The following WRAP53 variants were observed in gnomAD, a reference collection of about 807,000 sequenced individuals.
WRAP53 encodes telomerase Cajal body protein 1.
A neutral mutation model predicts 56.6 loss-of-function variants in WRAP53; 28 were observed. That is an observed-to-expected ratio of 0.50 (90% CI 0.37 to 0.68). The LOEUF (loss-of-function observed/expected upper bound fraction) is 0.68. Among genes scored for constraint, WRAP53 ranks in the 30% least tolerant of loss-of-function variants. WRAP53 has a pLI of 0.00. For missense variants in WRAP53, 671 were observed against 715.5 expected (o/e 0.94, Z 0.71); for synonymous variants, 283 against 283.4 (o/e 1.00, Z 0.01).
At chr17:7,689,463 C>A in intron 3 of WRAP53, 127 bp from the exon 4 acceptor site, 1 of 1,240,210 alleles carries the variant, frequency 8.1e-7, no homozygotes, top group Non-Finnish European at 1.2e-6. Context: ...TTTTATCTAG[C>A]AGTTTGTGTC....
chr17:7,702,643 G>T lies in WRAP53; in HGVS notation c.1164+91G>T. 6.3e-7 allele frequency: 1 copy of T among 1,596,928 alleles called. No homozygotes were observed. The highest frequency in any genetic ancestry group is 8.5e-7 in the Non-Finnish European group (1 of 1,174,988). On this transcript the variant is annotated intron_variant, in intron 8 of 10. Coordinates refer to ENST00000396463, the MANE Select transcript of WRAP53 (RefSeq NM_001143992.2). The surrounding 1 kb of genome is among the most constrained non-coding windows in gnomAD (Gnocchi z 5.0). ...CAGTGTAGGGGAATGGGTGGGGATG[G>T]GGAAAAAATCCCAAGCTGAAGGAGT... is the stretch of plus-strand genomic sequence containing the variant.
intron 10 of WRAP53, 32 bp from the exon 11 acceptor site, chr17:7,703,211 G>T (rs758319921): frequency 6.2e-7 from 1 of 1,613,088 alleles, no homozygotes. Context: ...CTCACTGAAG[G>T]CACTGATAGA....
intron 4 of WRAP53, among the ~76,000 whole-genome samples, chr17:7,698,398 C>G (rs1209939329): frequency 1.3e-5 from 2 of 152,084 alleles, no homozygotes; most frequent in African/African-American, 4.8e-5. Context: ...ATGGTTAAAG[C>G]TTGCTATCAC....
intron 4 of WRAP53, among the ~76,000 whole-genome samples, chr17:7,692,415 T>C (rs1695970785): frequency 6.6e-6 from 1 of 150,484 alleles, no homozygotes; most frequent in South Asian, 2.1e-4. Context: ...AGGTCAGGAG[T>C]TCGAGACCAG....
At chr17:7,698,955 C>T (rs901766905) in intron 4 of WRAP53, among the ~76,000 whole-genome samples, 1 of 151,818 alleles carries the variant, frequency 6.6e-6, no homozygotes, top group African/African-American at 2.4e-5. Context: ...ACTAGGGAGG[C>T]TGAGGCCAGG....
intron 4 of WRAP53, among the ~76,000 whole-genome samples, chr17:7,693,972 A>T (rs2074147376): frequency 6.6e-6 from 1 of 152,030 alleles, no homozygotes; most frequent in Admixed American, 6.5e-5. Context: ...GAAGCTGAAT[A>T]AATTGTCATG....
At chr17:7,686,314 T>C (rs1448971955), upstream of WRAP53, 1 of 152,148 alleles carries the variant, frequency 6.6e-6, no homozygotes, top group Non-Finnish European at 1.5e-5. Context: ...TTTTTTTTTT[T>C]CCTCCGGGAA....
intron 4 of WRAP53, among the ~76,000 whole-genome samples, chr17:7,698,613 C>T (rs1253545611): frequency 6.6e-6 from 1 of 152,138 alleles, no homozygotes; most frequent in Non-Finnish European, 1.5e-5. Flanking sequence ...CGTGGTGTCT[C>T]ATGCCTGTAA....
intron 4 of WRAP53, among the ~76,000 whole-genome samples, chr17:7,695,874 T>C (rs2074176906): frequency 6.6e-6 from 1 of 152,160 alleles, no homozygotes; most frequent in African/African-American, 2.4e-5. Context: ...GGTCCTATTA[T>C]TTTGGGCCTT....
At position 7,696,688 on chromosome 17, in the gene WRAP53, G is replaced by A. The variant is rs2074191010; in HGVS notation, c.643-4053G>A. On this transcript the variant is annotated intron_variant, in intron 4 of 10. Transcript: ENST00000396463. ...GCACGTGGTAATGGAAGACTAGGAG[G>A]AGGAACTGGCAAGATTTGGTATTGG... 2.0e-5 allele frequency among the ~76,000 whole-genome samples: 3 copies of A among 152,274 alleles called. No individual in the cohort carries two copies. In the South Asian group the frequency reaches 6.2e-4, roughly 32 times the overall value.
rs775499227 is a variant in WRAP53 at position 7,701,446 on chromosome 17, A to G, written c.732-13A>G. The G allele has an allele frequency of 1.2e-6, 2 of 1,614,066 alleles. No individual in the cohort carries two copies. The highest frequency in any genetic ancestry group is 1.7e-6 in the Non-Finnish European group (2 of 1,179,964). ...TGACAGCACCGGGGTTTCAGTGTCC[A>G]TGTCTCTCTCAGCGTGGCCAGCAGC... On this transcript the variant is annotated splice_polypyrimidine_tract_variant and intron_variant, in intron 5 of 10. Transcript: ENST00000396463. The surrounding 1 kb of genome is among the most constrained non-coding windows in gnomAD (Gnocchi z 4.2).
At chr17:7,687,556 C>T (rs2074030414), upstream of WRAP53, 1 of 398,620 alleles carries the variant, frequency 2.5e-6, no homozygotes, top group Admixed American at 4.4e-5. Flanking sequence ...CCATCAACCC[C>T]TGCGAGGCTC....
rs2074277780 is a variant in WRAP53, at chr17:7,701,718, G to T, written c.884G>T (p.Gly295Val). Residue 295 changes from glycine (G) to valine (V), a missense_variant, in exon 7 of 11, where the codon GGC (glycine) becomes GTC (valine). Physicochemically the swap from Gly to Val is moderately radical, Grantham distance 109 (BLOSUM62 -3). Around this residue, in one of 3 missense-constraint regions of WRAP53, gnomAD observed 406 missense variants for 418.5 expected, o/e 0.97. Coordinates refer to ENST00000396463, the MANE Select transcript of WRAP53 (RefSeq NM_001143992.2). The surrounding 1 kb of genome is among the most constrained non-coding windows in gnomAD (Gnocchi z 4.2). ...FSPDGSQLFC[G>V]FNRTVRVFST... The stretch of plus-strand genomic sequence containing the variant: ...CCGGATGGCTCCCAGCTCTTCTGTG[G>T]CTTCAACCGGACTGTGCGTGTTTTT... 1 of 1,614,214 alleles carries T rather than the reference G, an allele frequency of 6.2e-7. No homozygotes were observed. Among genetic ancestry groups the T allele is most frequent in the African/African-American group, 1.3e-5 (1 of 75,058 alleles).
In WRAP53 at chr17:7,688,551, G is replaced by A; in HGVS notation, c.-12G>A. 1 of 1,342,824 alleles carries A rather than the reference G, an allele frequency of 7.4e-7. No homozygotes were observed. The highest frequency in any genetic ancestry group is 1.0e-6 in the Non-Finnish European group (1 of 969,712). 83.2% of individuals were successfully genotyped at this position (1,342,824 alleles called of 1,614,324 possible). ...TCTTCTGCCTACTCCCAGAAGAGGAGGGAAGCACAGGTGGGTTTCTTTAGC... is the reference window on the plus strand; with the variant it reads ...TCTTCTGCCTACTCCCAGAAGAGGAAGGAAGCACAGGTGGGTTTCTTTAGC... On this transcript the variant is annotated 5_prime_UTR_variant, in exon 1 of 11. Transcript: ENST00000396463.
chr17:7,701,768 T>G lies in WRAP53; in HGVS notation c.934T>G (p.Cys312Gly). ...VFSTARPGRD[C>G]EVRATFAKKQ... ...TTCCACGGCCCGGCCTGGCCGAGAC[T>G]GCGAGGTCCGAGCCACATTTGGTAA... Residue 312 changes from cysteine (C) to glycine (G), a missense_variant, in exon 7 of 11, where the codon TGC becomes GGC. This residue lies in a region of WRAP53 where 406 missense variants were observed against 418.5 expected (regional missense o/e 0.97). Coordinates refer to ENST00000396463, the MANE Select transcript of WRAP53 (RefSeq NM_001143992.2). The surrounding 1 kb of genome is among the most constrained non-coding windows in gnomAD (Gnocchi z 4.2). The G allele has an allele frequency of 6.2e-7, 1 of 1,613,886 alleles. No homozygotes were observed. Among genetic ancestry groups the G allele is most frequent in the Non-Finnish European group, 8.5e-7 (1 of 1,179,982 alleles).
Position 7,701,691 on chromosome 17 carries a change from C to G in WRAP53, c.857C>G (p.Ser286Cys), listed in dbSNP as rs779998259. The stretch of plus-strand genomic sequence containing the variant: ...ACGGCAGCCCATTCGCTCTGCTTCT[C>G]CCCGGATGGCTCCCAGCTCTTCTGT... ...ELTAAHSLCFSPDGSQLFCGF... is the reference protein window; with the variant it reads ...ELTAAHSLCFCPDGSQLFCGF... The change falls in exon 7 of 11, where the codon TCC becomes TGC. Residue 286 changes from serine (S) to cysteine (C), a missense_variant. Ser to Cys is a moderately radical substitution (Grantham distance 112). This residue lies in a region of WRAP53 where 406 missense variants were observed against 418.5 expected (regional missense o/e 0.97). Coordinates refer to ENST00000396463, the MANE Select transcript of WRAP53 (RefSeq NM_001143992.2). The surrounding 1 kb of genome is among the most constrained non-coding windows in gnomAD (Gnocchi z 4.2). The G allele has an allele frequency of 6.2e-7, 1 of 1,614,252 alleles. No homozygotes were observed. The highest frequency in any genetic ancestry group is 8.5e-7 in the Non-Finnish European group (1 of 1,180,050).
upstream of WRAP53, chr17:7,687,097 CT>C (rs1283944129): frequency 5.1e-6 from 2 of 389,836 alleles, no homozygotes; most frequent in African/African-American, 4.1e-5. Context: ...AAGAAGTACG[CT>C]TTAGGCCGGC....
rs188413242 is a variant in WRAP53 at position 7,691,679 on chromosome 17, C to A, written c.642+1978C>A. Among the ~76,000 whole-genome samples, 62 of 151,092 alleles carry A rather than the reference C, an allele frequency of 4.1e-4. No homozygotes were observed. The Middle Eastern group carries it at 0.011, about 26-fold the overall frequency. ...TGCTGGGATTATAGGCATGAGCCAC[C>A]GCGCCTGGCTTAATTTTTGTATTTT... On this transcript the variant is annotated intron_variant, in intron 4 of 10. Coordinates refer to ENST00000396463, the MANE Select transcript of WRAP53 (RefSeq NM_001143992.2).
intron 4 of WRAP53, among the ~76,000 whole-genome samples, chr17:7,699,502 T>TTATATATATATATATATTTA (rs2074241100): frequency 1.7e-4 from 2 of 11,764 alleles, no homozygotes; most frequent in Non-Finnish European, 2.6e-4. Context: ...ATATATATAT[T>TTATATATATATATATATTTA]TATATATATA....
Sources: allele counts gnomAD v4.1 joint callset (sites outside exome capture counted in the v4.1 genomes callset), GRCh38; gene constraint gnomAD v4.1.1; regional missense constraint gnomAD v4.1.1; non-coding constraint Gnocchi (gnomAD v3.1); transcripts MANE v1.5; gene names NCBI Gene and HGNC (gene_info 2026-07-23, HGNC 2026-07-21).